FICD: variants seen among roughly 807,000 people sequenced by gnomAD.
FICD encodes FIC domain protein adenylyltransferase.
In FICD, 13 loss-of-function variants were observed where a neutral mutation model predicts 28.0. The ratio of observed to expected loss-of-function variants is 0.46; its 90% CI spans 0.30 to 0.74. The LOEUF is 0.74. FICD is among the 30% of genes least tolerant of loss of function. FICD has a pLI of 0.07. For synonymous variants in FICD, 268 were observed against 266.4 expected (o/e 1.01, Z -0.06); for missense variants, 576 against 624.5 (o/e 0.92, Z 0.83).
rs1871977151 is a variant in FICD at position 108,518,413 on chromosome 12, A to G, written c.315A>G (p.Glu105=). 2 of 1,613,906 alleles carry G rather than the reference A, an allele frequency of 1.2e-6. No homozygotes were observed. Among genetic ancestry groups the G allele is most frequent in the Non-Finnish European group, 1.7e-6 (2 of 1,179,848 alleles). ...KTKASPAGKL[E]ARAALNQALE... ...GCTCTCTTCCAGCGGGTAAGTTGGA[A>G]GCCAGAGCTGCCCTGAACCAGGCCC... The change falls in exon 3 of 3, where the codon GAA becomes GAG. Residue 105 remains glutamate, a synonymous_variant. Coordinates refer to ENST00000552695, the MANE Select transcript of FICD (RefSeq NM_007076.3). This position sits in a 1 kb window ranked among gnomAD's most constrained non-coding sequence, Gnocchi z 4.4.
chr12:108,519,619 ACT>A lies in FICD; in HGVS notation c.*145_*146del. On this transcript the variant is annotated 3_prime_UTR_variant, in exon 3 of 3. Coordinates refer to ENST00000552695, the MANE Select transcript of FICD (RefSeq NM_007076.3). The surrounding 1 kb of genome is among the most constrained non-coding windows in gnomAD (Gnocchi z 4.5). ...GTTTTAGTTTTAAAAAAAAAAAAAA[ACT>A]AAGTTATGAAGCCTTGTCTCTAAAA... The A allele has an allele frequency of 3.4e-6, 2 of 585,040 alleles. No individual in the cohort carries two copies. Among genetic ancestry groups the A allele is most frequent in the Non-Finnish European group, 5.8e-6 (2 of 342,110 alleles). The allele number at this position is 585,040 out of a possible 1,614,324, so 36.2% of individuals were successfully genotyped here. A position where few individuals can be genotyped will look rare whatever the true frequency, so the allele number is the denominator to read the frequency against.
Position 108,518,213 on chromosome 12 carries a change from G to A in FICD, c.302-187G>A, listed in dbSNP as rs1484430107. 1.4e-6 allele frequency: 1 copy of A among 705,176 alleles called. No individual in the cohort carries two copies. Among genetic ancestry groups the A allele is most frequent in the Admixed American group, 2.0e-5 (1 of 50,024 alleles). The allele number at this position is 705,176 out of a possible 1,614,324, so 43.7% of individuals were successfully genotyped here. A position where few individuals can be genotyped will look rare whatever the true frequency, so the allele number is the denominator to read the frequency against. On this transcript the variant is annotated intron_variant, in intron 2 of 2. Coordinates refer to ENST00000552695, the MANE Select transcript of FICD (RefSeq NM_007076.3). This position sits in a 1 kb window ranked among gnomAD's most constrained non-coding sequence, Gnocchi z 4.4. The stretch of plus-strand genomic sequence containing the variant: ...GATAGTGACTGCATACCACCACACG[G>A]CTGGGGCAACAGAGTGGTACCGGGC...
rs1442672299 is a variant in FICD at position 108,520,731 on chromosome 12, G to T, written c.*1256G>T. The T allele has an allele frequency of 6.6e-6, 1 of 152,222 alleles. No individual in the cohort carries two copies. The highest frequency in any genetic ancestry group is 1.5e-5 in the Non-Finnish European group (1 of 68,030). The allele number at this position is 152,222 out of a possible 1,614,324, so 9.4% of individuals were successfully genotyped here. On this transcript the variant is annotated 3_prime_UTR_variant, in exon 3 of 3. Transcript: ENST00000552695. ...ATATGACTGCTGCTATTTAGAGTCA[G>T]AGAGGTGGAAGTCACTGGGTCCCTT...
Position 108,519,077 on chromosome 12 carries a change from GT to G in FICD, c.980del (p.Val327GlyfsTer18). On this transcript the variant is annotated frameshift_variant, in exon 3 of 3. Transcript: ENST00000552695. LOFTEE classifies it high-confidence loss of function. This position sits in a 1 kb window ranked among gnomAD's most constrained non-coding sequence, Gnocchi z 4.5. ...CCACATCCCTCCCCATCCGCAGGAT[GT>G]GGAAAAGCAGATGCAGGAGTTTGTA... ...GHHIPPHPQD[V>X]EKQMQEFVQW... is the part of the protein sequence containing the mutation. The G allele has an allele frequency of 1.9e-6, 3 of 1,614,270 alleles. No individual in the cohort carries two copies. Among genetic ancestry groups the G allele is most frequent in the Non-Finnish European group, 2.5e-6 (3 of 1,180,058 alleles).
In FICD at chr12:108,518,516, G is replaced by C. The variant is rs758354977; in HGVS notation, c.418G>C (p.Val140Leu). The change falls in exon 3 of 3, where the codon GTG becomes CTG. Residue 140 changes from valine to leucine, a missense_variant. Physicochemically the swap from Val to Leu is conservative, Grantham distance 32. Transcript: ENST00000552695. This position sits in a 1 kb window ranked among gnomAD's most constrained non-coding sequence, Gnocchi z 4.4. ...CGCCCTCAAGATGGACCCGGACTTC[G>C]TGGACGCGCTCACCGAGTTTGGCAT... ...MHALKMDPDF[V>L]DALTEFGIFS... 1 of 1,614,194 alleles carries C rather than the reference G, an allele frequency of 6.2e-7. No individual in the cohort carries two copies. Among genetic ancestry groups the C allele is most frequent in the Non-Finnish European group, 8.5e-7 (1 of 1,180,034 alleles).
rs1431240274 is a variant in FICD, at chr12:108,519,147, AGTTTGCAGCCTTAGCCCATTATAAACTC to A, written c.1054_1081del (p.Ala352ThrfsTer17). ...GAAGCCATGAACCTGCACCCAGTGG[AGTTTGCAGCCTTAGCCCATTATAAACTC>A]GTTTACATCCACCCTTTCATTGATG... On this transcript the variant is annotated frameshift_variant, in exon 3 of 3. Coordinates refer to ENST00000552695, the MANE Select transcript of FICD (RefSeq NM_007076.3). LOFTEE classifies it high-confidence loss of function. This position sits in a 1 kb window ranked among gnomAD's most constrained non-coding sequence, Gnocchi z 4.5. The A allele has an allele frequency of 2.5e-6, 4 of 1,614,212 alleles. No homozygotes were observed. The highest frequency in any genetic ancestry group is 2.5e-6 in the Non-Finnish European group (3 of 1,180,024).
chr12:108,520,989 AATG>A lies in FICD; in HGVS notation c.*1517_*1519del, dbSNP rs1242917978. ...ATACACGATATATGAAATGGCTCCA[AATG>A]ATAATTGTTCAAACCTTTATAAAAT... is the stretch of plus-strand genomic sequence containing the variant. On this transcript the variant is annotated 3_prime_UTR_variant, in exon 3 of 3. Coordinates refer to ENST00000552695, the MANE Select transcript of FICD (RefSeq NM_007076.3). 7.9e-5 allele frequency: 12 copies of A among 152,348 alleles called. No individual in the cohort carries two copies. Among genetic ancestry groups the A allele is most frequent in the African/African-American group, 2.9e-4 (12 of 41,576 alleles). The allele number at this position is 152,348 out of a possible 1,614,324, so 9.4% of individuals were successfully genotyped here.
Position 108,517,398 on chromosome 12 carries a change from A to G in FICD, c.301+125A>G, listed in dbSNP as rs1205469886. On this transcript the variant is annotated intron_variant, in intron 2 of 2. Transcript: ENST00000552695. The stretch of plus-strand genomic sequence containing the variant: ...AGTCAGCCCTGAGCTCCTAGTATAG[A>G]CAAGGTGATGTGACTGAGACAGTGT... 3 of 723,124 alleles carry G rather than the reference A, an allele frequency of 4.1e-6. No homozygotes were observed. In the African/African-American group the frequency reaches 5.4e-5, roughly 13 times the overall value. 44.8% of individuals were successfully genotyped at this position (723,124 alleles called of 1,614,324 possible). A position where few individuals can be genotyped will look rare whatever the true frequency, so the allele number is the denominator to read the frequency against.
In FICD at chr12:108,519,641, CTAAAA is replaced by C; in HGVS notation, c.*170_*174del. On this transcript the variant is annotated 3_prime_UTR_variant, in exon 3 of 3. Transcript: ENST00000552695. The surrounding 1 kb of genome is among the most constrained non-coding windows in gnomAD (Gnocchi z 4.5). ...AAAACTAAGTTATGAAGCCTTGTCT[CTAAAA>C]TAACTTATAATTCAACCAAGCTATT... The C allele has an allele frequency of 1.1e-5, 6 of 563,314 alleles. No homozygotes were observed. The highest frequency in any genetic ancestry group is 1.8e-5 in the Non-Finnish European group (6 of 324,938). 34.9% of individuals were successfully genotyped at this position (563,314 alleles called of 1,614,324 possible).
chr12:108,517,241 C>T lies in FICD; in HGVS notation c.269C>T (p.Thr90Met), dbSNP rs780739968. 5.2e-6 allele frequency: 8 copies of T among 1,544,430 alleles called. No homozygotes were observed. Among genetic ancestry groups the T allele is most frequent in the South Asian group, 1.2e-5 (1 of 82,078 alleles). ...CTCAGCATCACCTCCAGGGGCGCGA[C>T]GCTGCTGGTGGCCAAGACCAAGGCC... ...TELSITSRGA[T>M]LLVAKTKASP... Residue 90 changes from threonine to methionine, a missense_variant, in exon 2 of 3, where the codon ACG becomes ATG. Thr to Met is a moderately conservative substitution (Grantham distance 81). Coordinates refer to ENST00000552695, the MANE Select transcript of FICD (RefSeq NM_007076.3).
At position 108,518,388 on chromosome 12, in the gene FICD, G is replaced by A. The variant is rs1871975332; in HGVS notation, c.302-12G>A. The A allele has an allele frequency of 1.9e-6, 3 of 1,612,166 alleles. No homozygotes were observed. Among genetic ancestry groups the A allele is most frequent in the African/African-American group, 1.3e-5 (1 of 74,984 alleles). ...CTCCCTCCCTCACAGCGCTTCTTTGGCTCTCTTCCAGCGGGTAAGTTGGAA... is the reference window on the plus strand; with the variant it reads ...CTCCCTCCCTCACAGCGCTTCTTTGACTCTCTTCCAGCGGGTAAGTTGGAA... On this transcript the variant is annotated splice_polypyrimidine_tract_variant and intron_variant, in intron 2 of 2. Transcript: ENST00000552695. This position sits in a 1 kb window ranked among gnomAD's most constrained non-coding sequence, Gnocchi z 4.4.
intron 1 of FICD, among the ~76,000 whole-genome samples, chr12:108,515,849 G>A (rs1871896375): frequency 2.0e-5 from 3 of 152,156 alleles, no homozygotes; most frequent in Admixed American, 2.0e-4. Context: ...TCGAGACCTG[G>A]GGACCGGGTT....
At position 108,519,275 on chromosome 12, in the gene FICD, A is replaced by G. The variant is rs961222043; in HGVS notation, c.1177A>G (p.Lys393Glu). Residue 393 changes from lysine to glutamate, a missense_variant, in exon 3 of 3, where the codon AAG (lysine) becomes GAG (glutamate). Transcript: ENST00000552695. The surrounding 1 kb of genome is among the most constrained non-coding windows in gnomAD (Gnocchi z 4.5). ...GGGCTACCCGCCCATCACCATCCGC[A>G]AGGAGCAGCGGTCCGACTACTACCA... ...QAGYPPITIR[K>E]EQRSDYYHVL... The G allele has an allele frequency of 2.5e-6, 4 of 1,614,194 alleles. No individual in the cohort carries two copies. Among genetic ancestry groups the G allele is most frequent in the South Asian group, 2.2e-5 (2 of 91,084 alleles).
chr12:108,518,152 TC>T lies in FICD; in HGVS notation c.302-245del. 2 of 702,424 alleles carry T rather than the reference TC, an allele frequency of 2.8e-6. No homozygotes were observed. 43.5% of individuals were successfully genotyped at this position (702,424 alleles called of 1,614,324 possible). On this transcript the variant is annotated intron_variant, in intron 2 of 2. Coordinates refer to ENST00000552695, the MANE Select transcript of FICD (RefSeq NM_007076.3). This position sits in a 1 kb window ranked among gnomAD's most constrained non-coding sequence, Gnocchi z 4.4. ...GAGGCTAGGAAGCCAAGGAGGTGCC[TC>T]CCAGAATACAAGAGAGTGGCTCTGG...
Position 108,519,572 on chromosome 12 carries a change from G to T in FICD, c.*97G>T. ...CTAGTCACTTCCTAAAGCAAAAGGAGAAACATTCTTTACCTCCAAATGTTT... is the reference window on the plus strand; with the variant it reads ...CTAGTCACTTCCTAAAGCAAAAGGATAAACATTCTTTACCTCCAAATGTTT... On this transcript the variant is annotated 3_prime_UTR_variant, in exon 3 of 3. Coordinates refer to ENST00000552695, the MANE Select transcript of FICD (RefSeq NM_007076.3). The surrounding 1 kb of genome is among the most constrained non-coding windows in gnomAD (Gnocchi z 4.5). 1.6e-6 allele frequency: 1 copy of T among 632,298 alleles called. No individual in the cohort carries two copies. The highest frequency in any genetic ancestry group is 2.5e-6 in the Non-Finnish European group (1 of 398,770). 39.2% of individuals were successfully genotyped at this position (632,298 alleles called of 1,614,324 possible).
At chr12:108,516,774 T>G in intron 1 of FICD, 141 bp from the exon 2 acceptor site, 3 of 429,130 alleles carry the variant, frequency 7.0e-6, no homozygotes, top group East Asian at 3.5e-5. Flanking sequence ...CCTCCTCTAG[T>G]GAGATCCAGT....
rs1273552143 is a variant in FICD, at chr12:108,520,940, G to A, written c.*1465G>A. 1.3e-5 allele frequency: 2 copies of A among 152,194 alleles called. No individual in the cohort carries two copies. Among genetic ancestry groups the A allele is most frequent in the Non-Finnish European group, 2.9e-5 (2 of 68,032 alleles). 9.4% of individuals were successfully genotyped at this position (152,194 alleles called of 1,614,324 possible). ...AATAGCACAGAGTAGTTTTTGAAAG[G>A]TTAAGAAAAATAAGTGAAAAGACAT... On this transcript the variant is annotated 3_prime_UTR_variant, in exon 3 of 3. Coordinates refer to ENST00000552695, the MANE Select transcript of FICD (RefSeq NM_007076.3).
At position 108,516,272 on chromosome 12, in the gene FICD, G is replaced by A. The variant is rs60143333; in HGVS notation, c.-58-643G>A. Among the ~76,000 whole-genome samples, 746 of 152,320 alleles carry A rather than the reference G, an allele frequency of 4.9e-3. 8 individuals are homozygous for A. Among genetic ancestry groups the A allele is most frequent in the African/African-American group, 0.016 (665 of 41,562 alleles). On this transcript the variant is annotated intron_variant, in intron 1 of 2. Transcript: ENST00000552695. ...AAATGGAAGGCCAGAGAGGGGAAGGGCACTGTGGGAGCTGTGGCTGAATAT... is the reference window on the plus strand; with the variant it reads ...AAATGGAAGGCCAGAGAGGGGAAGGACACTGTGGGAGCTGTGGCTGAATAT...
In FICD at chr12:108,520,675, C is replaced by T. The variant is rs1872084768; in HGVS notation, c.*1200C>T. The T allele has an allele frequency of 6.6e-6, 1 of 152,192 alleles. No homozygotes were observed. The highest frequency in any genetic ancestry group is 2.4e-5 in the African/African-American group (1 of 41,440). 9.4% of individuals were successfully genotyped at this position (152,192 alleles called of 1,614,324 possible). A position where few individuals can be genotyped will look rare whatever the true frequency, so the allele number is the denominator to read the frequency against. Reference sequence around the variant, plus strand: ...AGCTGTCATCCAATGGAAGTAGAATCTTCTCTTTGAATCATATGGTACAGG... The same window carrying T: ...AGCTGTCATCCAATGGAAGTAGAATTTTCTCTTTGAATCATATGGTACAGG... On this transcript the variant is annotated 3_prime_UTR_variant, in exon 3 of 3. Coordinates refer to ENST00000552695, the MANE Select transcript of FICD (RefSeq NM_007076.3).
Sources: allele counts gnomAD v4.1 joint callset (sites outside exome capture counted in the v4.1 genomes callset), GRCh38; gene constraint gnomAD v4.1.1; non-coding constraint Gnocchi (gnomAD v3.1); transcripts MANE v1.5; gene names NCBI Gene and HGNC (gene_info 2026-07-23, HGNC 2026-07-21).